UVRAG: variants seen among roughly 807,000 people sequenced by gnomAD.
The protein encoded by UVRAG is UV radiation resistance-associated gene protein.
Under a neutral mutation model 78.0 loss-of-function variants are expected in UVRAG, and 19 were observed. That is an observed-to-expected ratio of 0.24 (90% CI 0.17 to 0.36). The LOEUF (loss-of-function observed/expected upper bound fraction) is 0.36. Ranked by LOEUF, UVRAG falls within the 10% of genes least tolerant of loss-of-function variation. UVRAG has a pLI of 1.00. For missense variants in UVRAG, 740 were observed against 853.8 expected (o/e 0.87, Z 1.66); for synonymous variants, 323 against 324.6 (o/e 1.00, Z 0.05).
rs182876974 is a variant in UVRAG at position 76,106,452 on chromosome 11, G to A, written c.1306-9472G>A. Reference sequence around the variant, plus strand: ...GTGATCTCAGCTCACTGTAACCTCCGCTTCCCAGGTTCAAGCAATTCTCTC... The same window carrying A: ...GTGATCTCAGCTCACTGTAACCTCCACTTCCCAGGTTCAAGCAATTCTCTC... On this transcript the variant is annotated intron_variant, in intron 13 of 14. Coordinates refer to ENST00000356136, the MANE Select transcript of UVRAG (RefSeq NM_003369.4). Among the ~76,000 whole-genome samples, 118 of 151,954 alleles carry A rather than the reference G, an allele frequency of 7.8e-4. 1 individual carries two copies. The South Asian group carries it at 0.024, about 30-fold the overall frequency.
intron 12 of UVRAG, among the ~76,000 whole-genome samples, chr11:76,050,017 T>G (rs1950831682): frequency 6.6e-6 from 1 of 152,208 alleles, no homozygotes; most frequent in South Asian, 2.1e-4. Context: ...TAAAGTATAA[T>G]AAGTACAATA....
chr11:75,976,336 A>G (rs550031127), intron 7 of UVRAG, among the ~76,000 whole-genome samples: 11 of 151,856 alleles, frequency 7.2e-5, no homozygotes, highest in African/African-American at 2.4e-4. Context: ...CTCTTTTTTC[A>G]TTGTGTCTCT....
chr11:76,124,021 C>G (rs1166892820), intron 14 of UVRAG, among the ~76,000 whole-genome samples: 2 of 152,170 alleles, frequency 1.3e-5, no homozygotes, highest in African/African-American at 4.8e-5. Context: ...GCCTCGGCCT[C>G]CCAAAGTGCT....
intron 6 of UVRAG, among the ~76,000 whole-genome samples, chr11:75,922,101 A>G (rs1947992549): frequency 6.6e-6 from 1 of 152,164 alleles, no homozygotes; most frequent in Non-Finnish European, 1.5e-5. Context: ...TGGAATTTTA[A>G]TCGAAATTTT....
intron 6 of UVRAG, among the ~76,000 whole-genome samples, chr11:75,949,786 C>T (rs1027958737): frequency 1.9e-4 from 28 of 151,060 alleles, no homozygotes; most frequent in African/African-American, 5.8e-4. Flanking sequence ...TATATATACA[C>T]ACACACACAT....
chr11:75,964,048 T>C lies in UVRAG; in HGVS notation c.699+2499T>C, dbSNP rs114842714. ...CTTCTGGTATTAAGGTGAAATACAT[T>C]GGTTGATTTTTTAATATTAAGCCAA... On this transcript the variant is annotated intron_variant, in intron 7 of 14. Transcript: ENST00000356136. Among the ~76,000 whole-genome samples the C allele has an allele frequency of 5.0e-3, 764 of 152,318 alleles. 7 individuals carry two copies. The highest frequency in any genetic ancestry group is 0.017 in the African/African-American group (709 of 41,558).
rs373085208 is a variant in UVRAG at position 75,937,483 on chromosome 11, T to C, written c.594-23961T>C. Among the ~76,000 whole-genome samples the C allele has an allele frequency of 1.3e-4, 20 of 152,368 alleles. No homozygotes were observed. In the East Asian group the frequency reaches 3.1e-3, roughly 23 times the overall value. On this transcript the variant is annotated intron_variant, in intron 6 of 14. Coordinates refer to ENST00000356136, the MANE Select transcript of UVRAG (RefSeq NM_003369.4). ...TTCAGTATGTCTGAAAACATCTCTATATCATCTTAGTTTTTGGAAGATGCT... is the reference window on the plus strand; with the variant it reads ...TTCAGTATGTCTGAAAACATCTCTACATCATCTTAGTTTTTGGAAGATGCT...
At chr11:75,859,250 C>T (rs1590942341) in intron 2 of UVRAG, among the ~76,000 whole-genome samples, 1 of 152,020 alleles carries the variant, frequency 6.6e-6, no homozygotes, top group Non-Finnish European at 1.5e-5. Flanking sequence ...GTGGTGTGCA[C>T]CTGCAATCCC....
At chr11:75,828,873 T>C (rs1225433114) in intron 1 of UVRAG, among the ~76,000 whole-genome samples, 1 of 145,764 alleles carries the variant, frequency 6.9e-6, no homozygotes, top group East Asian at 2.0e-4. Context: ...CGCGCCACCA[T>C]GTCTGACTAA....
At chr11:76,037,377 A>G (rs1396196216) in intron 12 of UVRAG, among the ~76,000 whole-genome samples, 1 of 152,122 alleles carries the variant, frequency 6.6e-6, no homozygotes, top group African/African-American at 2.4e-5. Context: ...TTAGATACTT[A>G]TTTAGAAAGG....
At chr11:76,040,450 C>T (rs535948950) in intron 12 of UVRAG, among the ~76,000 whole-genome samples, 36 of 140,942 alleles carry the variant, frequency 2.6e-4, no homozygotes, top group South Asian at 4.5e-4. Flanking sequence ...TCAGCCTGGG[C>T]GACAGTGTGA....
intron 13 of UVRAG, among the ~76,000 whole-genome samples, chr11:76,106,822 T>A (rs1171662309): frequency 6.6e-6 from 1 of 152,166 alleles, no homozygotes; most frequent in South Asian, 2.1e-4. Flanking sequence ...AAGTTGGGCC[T>A]GCTGGACCTG....
At position 76,004,094 on chromosome 11, in the gene UVRAG, A is replaced by T. The variant is rs529204766; in HGVS notation, c.911+5A>T. 24 of 1,613,428 alleles carry T rather than the reference A, an allele frequency of 1.5e-5. No individual in the cohort carries two copies. The highest frequency in any genetic ancestry group is 1.5e-4 in the African/African-American group (11 of 75,034). On this transcript the variant is annotated splice_donor_5th_base_variant and intron_variant, in intron 9 of 14. Transcript: ENST00000356136. Reference sequence around the variant, plus strand: ...GAAGGAGTGCACTGCAAAAAGGTAAATGCACACTGAGAAGAATTGCTGTGA... The same window carrying T: ...GAAGGAGTGCACTGCAAAAAGGTAATTGCACACTGAGAAGAATTGCTGTGA...
intron 5 of UVRAG, among the ~76,000 whole-genome samples, chr11:75,893,092 G>A (rs544194221): frequency 6.6e-5 from 10 of 151,598 alleles, no homozygotes; most frequent in African/African-American, 1.7e-4. Flanking sequence ...CAGGAGAACT[G>A]CTTGAACCCA....
intron 12 of UVRAG, among the ~76,000 whole-genome samples, chr11:76,030,606 C>T (rs1370864801): frequency 6.6e-6 from 1 of 152,198 alleles, no homozygotes; most frequent in Non-Finnish European, 1.5e-5. Context: ...ACCTATGCTT[C>T]AGTCAGACTG....
intron 12 of UVRAG, among the ~76,000 whole-genome samples, chr11:76,039,883 T>A (rs998123561): frequency 6.6e-6 from 1 of 151,758 alleles, no homozygotes; most frequent in African/African-American, 2.4e-5. Flanking sequence ...CTCAAAATTT[T>A]AAAAAATAAA....
intron 6 of UVRAG, among the ~76,000 whole-genome samples, chr11:75,954,808 A>G (rs184577786): frequency 6.6e-6 from 1 of 152,326 alleles, no homozygotes; most frequent in East Asian, 1.9e-4. Context: ...GTCATGTAAT[A>G]TTTTTGTGGT....
intron 6 of UVRAG, among the ~76,000 whole-genome samples, chr11:75,917,614 A>G (rs950245466): frequency 4.6e-5 from 7 of 152,016 alleles, no homozygotes; most frequent in African/African-American, 1.7e-4. Context: ...ACCACCATGG[A>G]TATTTGAACT....
At chr11:76,137,577 A>AT (rs1952623097) in intron 14 of UVRAG, 1 of 404,714 alleles carries the variant, frequency 2.5e-6, no homozygotes, top group Non-Finnish European at 4.9e-6. Context: ...TCTCTCCAAA[A>AT]ATAACTAATT....
Sources: allele counts gnomAD v4.1 joint callset (sites outside exome capture counted in the v4.1 genomes callset), GRCh38; gene constraint gnomAD v4.1.1; transcripts MANE v1.5; gene names NCBI Gene and HGNC (gene_info 2026-07-23, HGNC 2026-07-21).